PXDNL: variants seen among roughly 807,000 people sequenced by gnomAD.
PXDNL encodes peroxidasin like, also known as probable oxidoreductase PXDNL.
PXDNL carries 145 observed loss-of-function variants against 150.8 expected under a neutral mutation model. The ratio of observed to expected loss-of-function variants is 0.96; its 90% CI spans 0.84 to 1.10. The LOEUF is 1.10. Ranked by LOEUF, PXDNL falls within the 50% of genes least tolerant of loss-of-function variation. The pLI is 0.00. For missense variants in PXDNL, 2,087 were observed against 1,873.9 expected (o/e 1.11, Z -2.10); for synonymous variants, 757 against 725.7 (o/e 1.04, Z -0.69).
At chr8:51,323,460 C>T (rs1463597569) in intron 21 of PXDNL, among the ~76,000 whole-genome samples, 1 of 151,950 alleles carries the variant, frequency 6.6e-6, no homozygotes, top group Non-Finnish European at 1.5e-5. Context: ...TTTGTTGTTG[C>T]TGTTGTTTTG....
chr8:51,603,593 T>C (rs751507605), intron 2 of PXDNL, among the ~76,000 whole-genome samples: 25 of 152,096 alleles, frequency 1.6e-4, no homozygotes, highest in Non-Finnish European at 3.1e-4. Flanking sequence ...TTCCTTATTG[T>C]TTTTAACCAT....
intron 3 of PXDNL, among the ~76,000 whole-genome samples, chr8:51,567,405 T>G (rs938968318): frequency 1.3e-5 from 2 of 151,868 alleles, no homozygotes; most frequent in Non-Finnish European, 2.9e-5. Flanking sequence ...TTCCTCTATT[T>G]CTTCTTGCAG....
chr8:51,634,035 T>TA lies in PXDNL; in HGVS notation c.236+20653dup, dbSNP rs202127540. On this transcript the variant is annotated intron_variant, in intron 2 of 22. Coordinates refer to ENST00000356297, the MANE Select transcript of PXDNL (RefSeq NM_144651.5). Reference sequence around the variant, plus strand: ...TTTGTTGCAATTGCTTTTGAGGACTTAGTCATAAATTATTTCCCAAGTCCA... The same window carrying TA: ...TTTGTTGCAATTGCTTTTGAGGACTTAAGTCATAAATTATTTCCCAAGTCCA... Among the ~76,000 whole-genome samples, 496 of 152,280 alleles carry TA rather than the reference T, an allele frequency of 3.3e-3. 10 individuals are homozygous for TA. The highest frequency in any genetic ancestry group is 0.025 in the Admixed American group (376 of 15,270).
At chr8:51,744,511 C>CAAA in intron 1 of PXDNL, among the ~76,000 whole-genome samples, 1 of 125,006 alleles carries the variant, frequency 8.0e-6, no homozygotes. Context: ...ACTAAAAATA[C>CAAA]AAAAAAAAAA....
intron 19 of PXDNL, among the ~76,000 whole-genome samples, chr8:51,367,517 T>A (rs543806711): frequency 4.6e-5 from 7 of 152,266 alleles, no homozygotes; most frequent in Admixed American, 3.3e-4. Context: ...CTGACAACAC[T>A]TTTTTTCATT....
chr8:51,582,405 AATGTATGTTATTCTC>A (rs1244499307), intron 3 of PXDNL, among the ~76,000 whole-genome samples: 6 of 152,112 alleles, frequency 3.9e-5, no homozygotes, highest in Non-Finnish European at 7.4e-5. Context: ...ATATACAGTA[AATGTATGTTATTCTC>A]ATGACTAGAA....
chr8:51,399,292 C>T lies in PXDNL; in HGVS notation c.3557+8775G>A, dbSNP rs985288530. Among the ~76,000 whole-genome samples the T allele has an allele frequency of 5.3e-5, 8 of 152,236 alleles. 1 individual carries two copies. The highest frequency in any genetic ancestry group is 1.2e-4 in the African/African-American group (5 of 41,540). ...AAAAGACGTGCATGTAAGAGTTCAT[C>T]GCAGTTATTCAGAAGAGATAAATAC... On this transcript the variant is annotated intron_variant, in intron 17 of 22. Transcript: ENST00000356297.
At chr8:51,482,991 AACTTAT>A (rs1431503811) in intron 6 of PXDNL, among the ~76,000 whole-genome samples, 1 of 152,148 alleles carries the variant, frequency 6.6e-6, no homozygotes, top group Non-Finnish European at 1.5e-5. Flanking sequence ...TGATAACTGG[AACTTAT>A]ACTTGTGTTT....
At chr8:51,515,495 C>T (rs1012231780) in intron 4 of PXDNL, among the ~76,000 whole-genome samples, 11 of 152,160 alleles carry the variant, frequency 7.2e-5, no homozygotes, top group African/African-American at 2.2e-4. Context: ...AAGCGCACTG[C>T]GGATGTTTCT....
intron 5 of PXDNL, among the ~76,000 whole-genome samples, chr8:51,490,775 G>A (rs575288965): frequency 8.7e-5 from 13 of 150,160 alleles, no homozygotes; most frequent in African/African-American, 2.5e-4. Context: ...TCACACAGGG[G>A]TAGCATAAGC....
At chr8:51,456,075 CGCT>C (rs1368912684) in intron 9 of PXDNL, among the ~76,000 whole-genome samples, 1 of 152,156 alleles carries the variant, frequency 6.6e-6, no homozygotes, top group African/African-American at 2.4e-5. Context: ...TGGCAATTGC[CGCT>C]GCTGACTTCC....
At chr8:51,570,388 A>C (rs1812908854) in intron 3 of PXDNL, among the ~76,000 whole-genome samples, 2 of 151,922 alleles carry the variant, frequency 1.3e-5, no homozygotes, top group African/African-American at 4.8e-5. Context: ...ATTACTTCTA[A>C]GATATTTATA....
chr8:51,379,267 T>C (rs1443333435), intron 17 of PXDNL, among the ~76,000 whole-genome samples: 1 of 152,208 alleles, frequency 6.6e-6, no homozygotes, highest in East Asian at 1.9e-4. Context: ...TTGTGTTCTC[T>C]TTGTTGATCT....
chr8:51,508,724 T>C (rs546686528), intron 4 of PXDNL, among the ~76,000 whole-genome samples: 8 of 152,258 alleles, frequency 5.3e-5, no homozygotes, highest in African/African-American at 1.9e-4. Flanking sequence ...CACCGCCGCC[T>C]TACATTGGAG....
rs1176116785 is a variant in PXDNL at position 51,592,681 on chromosome 8, T to A, written c.254A>T (p.His85Leu). 6.5e-7 allele frequency: 1 copy of A among 1,548,038 alleles called. No homozygotes were observed. Among genetic ancestry groups the A allele is most frequent in the East Asian group, 2.5e-5 (1 of 40,796 alleles). Residue 85 changes from histidine to leucine, a missense_variant, in exon 3 of 23, where the codon CAC becomes CTC. Physicochemically the swap from His to Leu is moderately conservative, Grantham distance 99 (BLOSUM62 -3). Transcript: ENST00000356297. ...AGCATTTCTGGAAATCTTTCTGATG[T>A]GGTTGTTGTTCAGCAGACTGAAAAA... Reference protein sequence around the residue: ...NLNTLLLNNNHIRKISRNAFE... With the variant: ...NLNTLLLNNNLIRKISRNAFE...
chr8:51,433,823 C>T (rs910673720), intron 12 of PXDNL, among the ~76,000 whole-genome samples: 6 of 152,056 alleles, frequency 3.9e-5, no homozygotes, highest in African/African-American at 1.4e-4. Context: ...TATTATAAAA[C>T]TTTAACTTCA....
At chr8:51,677,637 T>C (rs977157067) in intron 1 of PXDNL, among the ~76,000 whole-genome samples, 1 of 152,232 alleles carries the variant, frequency 6.6e-6, no homozygotes, top group Non-Finnish European at 1.5e-5. Context: ...ATAACAATTA[T>C]TTTGAAGTCA....
chr8:51,389,208 T>A (rs1377505237), intron 17 of PXDNL, among the ~76,000 whole-genome samples: 11 of 152,176 alleles, frequency 7.2e-5, no homozygotes, highest in Admixed American at 6.5e-5. Context: ...AGAGAGTGAT[T>A]TGACATGTGC....
chr8:51,745,317 C>T (rs74896009), intron 1 of PXDNL, among the ~76,000 whole-genome samples: 1 of 152,118 alleles, frequency 6.6e-6, no homozygotes, highest in African/African-American at 2.4e-5. Flanking sequence ...TCAAACCCTA[C>T]TCAAAGAAAA....
Sources: allele counts gnomAD v4.1 joint callset (sites outside exome capture counted in the v4.1 genomes callset), GRCh38; gene constraint gnomAD v4.1.1; transcripts MANE v1.5; gene names NCBI Gene and HGNC (gene_info 2026-07-23, HGNC 2026-07-21).